The following ICMT variants were observed in gnomAD, a reference collection of about 807,000 sequenced individuals.
The protein encoded by ICMT is isoprenylcysteine carboxyl methyltransferase, also known as protein-S-isoprenylcysteine O-methyltransferase.
In ICMT, 10 loss-of-function variants were observed where a neutral mutation model predicts 32.2. The ratio of observed to expected loss-of-function variants is 0.31; its 90% CI spans 0.19 to 0.53. The LOEUF is 0.53. ICMT is among the 20% of genes least tolerant of loss of function. The pLI is 0.96. For missense variants in ICMT, 265 were observed against 356.9 expected, an observed-to-expected ratio of 0.74 and a Z score of 2.07; for synonymous variants, 183 against 158.2, an observed-to-expected ratio of 1.16 and a Z score of -1.18.
In ICMT at chr1:6,235,951, T is replaced by TAGCCCGGAGAAATGCGCCGGCTGC; in HGVS notation, c.-41_-40insGCAGCCGGCGCATTTCTCCGGGCT. The TAGCCCGGAGAAATGCGCCGGCTGC allele has an allele frequency of 9.7e-7, 1 of 1,026,546 alleles. No homozygotes were observed. Among genetic ancestry groups the TAGCCCGGAGAAATGCGCCGGCTGC allele is most frequent in the Non-Finnish European group, 1.2e-6 (1 of 842,388 alleles). The allele number at this position is 1,026,546 out of a possible 1,614,324, so 63.6% of individuals were successfully genotyped here. ...GACTAGCGGGCGGCGGCGCCGGCTGTAGCCCGGAGAAACGCGCCGGCTGCG... is the reference window on the plus strand; with the variant it reads ...GACTAGCGGGCGGCGGCGCCGGCTGTAGCCCGGAGAAATGCGCCGGCTGCAGCCCGGAGAAACGCGCCGGCTGCG... On this transcript the variant is annotated 5_prime_UTR_variant, in exon 1 of 5. Coordinates refer to ENST00000343813, the MANE Select transcript of ICMT (RefSeq NM_012405.4).
intron 4 of ICMT, among the ~76,000 whole-genome samples, chr1:6,229,211 G>C (rs1434799396): frequency 6.6e-6 from 1 of 152,100 alleles, no homozygotes; most frequent in Non-Finnish European, 1.5e-5. Flanking sequence ...GGGCATGGTG[G>C]CTCATGTCTG....
At chr1:6,234,387 G>A in intron 2 of ICMT, 1 of 432,228 alleles carries the variant, frequency 2.3e-6, no homozygotes, top group South Asian at 1.7e-5. Context: ...ATTGATAAGA[G>A]GAGATAAAAC....
intron 3 of ICMT, among the ~76,000 whole-genome samples, chr1:6,232,729 G>T (rs896020079): frequency 6.6e-6 from 1 of 151,740 alleles, no homozygotes; most frequent in Admixed American, 6.6e-5. Flanking sequence ...TGTATTTTTC[G>T]TAGAGACGGG....
At chr1:6,228,607 G>A (rs951557889) in intron 4 of ICMT, among the ~76,000 whole-genome samples, 2 of 151,876 alleles carry the variant, frequency 1.3e-5, no homozygotes, top group Admixed American at 1.3e-4. Context: ...CTCCCAAAGT[G>A]CTGGGATTAC....
In ICMT at chr1:6,221,853, T is replaced by G. The variant is rs1194021542; in HGVS notation, c.*3227A>C. ...TGCAAGCCCTCACGAAAGGCTTCAC[T>G]CTATGCTGTTTCCAGGTAGCTTTGT... On this transcript the variant is annotated 3_prime_UTR_variant, in exon 5 of 5. Transcript: ENST00000343813. 1.3e-5 allele frequency: 2 copies of G among 152,242 alleles called. No individual in the cohort carries two copies. Among genetic ancestry groups the G allele is most frequent in the Non-Finnish European group, 2.9e-5 (2 of 68,050 alleles). 9.4% of individuals were successfully genotyped at this position (152,242 alleles called of 1,614,324 possible).
intron 3 of ICMT, 113 bp downstream of exon 3, chr1:6,233,361 G>T: frequency 2.1e-6 from 2 of 937,260 alleles, no homozygotes; most frequent in African/African-American, 3.3e-5. Context: ...ATAGAGGTCT[G>T]CGGAAAATCG....
At chr1:6,225,365 C>G (rs1206646959) in intron 4 of ICMT, 103 bp from the exon 5 acceptor site, 16 of 1,135,848 alleles carry the variant, frequency 1.4e-5, no homozygotes, top group Admixed American at 4.3e-5. Flanking sequence ...TGTGCCCATG[C>G]CCTGCTGAGA....
Position 6,231,929 on chromosome 1 carries a change from C to G in ICMT, c.645G>C (p.Gly215=). Residue 215 remains glycine, a synonymous_variant, in exon 4 of 5, where the codon GGG becomes GGC. Coordinates refer to ENST00000343813, the MANE Select transcript of ICMT (RefSeq NM_012405.4). Reference sequence around the variant, plus strand: ...GAGTTCCAATACTCCAGTAAAACCACCCGACGTAAGAAGGATGCCGAAACC... The same window carrying G: ...GAGTTCCAATACTCCAGTAAAACCAGCCGACGTAAGAAGGATGCCGAAACC... ...YAWFRHPSYV[G]WFYWSIGTQV... 2 of 1,589,722 alleles carry G rather than the reference C, an allele frequency of 1.3e-6. No individual in the cohort carries two copies. Among genetic ancestry groups the G allele is most frequent in the Non-Finnish European group, 1.7e-6 (2 of 1,161,994 alleles).
chr1:6,234,946 A>C lies in ICMT; in HGVS notation c.224T>G (p.Phe75Cys), dbSNP rs1668797075. The change falls in exon 2 of 5, where the codon TTT (phenylalanine) becomes TGT (cysteine). Residue 75 changes from phenylalanine (F) to cysteine (C), a missense_variant. Coordinates refer to ENST00000343813, the MANE Select transcript of ICMT (RefSeq NM_012405.4). The part of the protein sequence containing the change: ...QIAIRACFLG[F>C]VFGCGTLLSF... The stretch of plus-strand genomic sequence containing the variant: ...TAGCAGCGTGCCGCAGCCGAACACA[A>C]ACCCCAGGAAACAAGCTCGGATGGC... 6.2e-7 allele frequency: 1 copy of C among 1,613,852 alleles called. No individual in the cohort carries two copies. Among genetic ancestry groups the C allele is most frequent in the Non-Finnish European group, 8.5e-7 (1 of 1,179,970 alleles).
intron 4 of ICMT, 77 bp downstream of exon 4, chr1:6,231,825 A>G: frequency 1.1e-6 from 1 of 915,214 alleles, no homozygotes; most frequent in African/African-American, 1.7e-5. Flanking sequence ...GGTGACTTTT[A>G]TGCTACGTGA....
At chr1:6,230,132 TGA>T (rs1297723454) in intron 4 of ICMT, among the ~76,000 whole-genome samples, 2 of 150,426 alleles carry the variant, frequency 1.3e-5, no homozygotes, top group Non-Finnish European at 3.0e-5. Flanking sequence ...CTTTTTTTTT[TGA>T]GACAGAGTCT....
At chr1:6,227,654 G>A (rs960784681) in intron 4 of ICMT, among the ~76,000 whole-genome samples, 8 of 152,148 alleles carry the variant, frequency 5.3e-5, no homozygotes, top group Non-Finnish European at 1.0e-4. Context: ...AGGAGATTGA[G>A]ATCATCCTGG....
chr1:6,234,420 T>C (rs1478700051), intron 2 of ICMT: 1 of 475,356 alleles, frequency 2.1e-6, no homozygotes, highest in Non-Finnish European at 4.2e-6. Context: ...AGCCACTGGT[T>C]CATATCCAGG....
Position 6,235,940 on chromosome 1 carries a change from GGCGCCGGCTGTAGCCCGGAGAAAC to G in ICMT, c.-53_-30del, listed in dbSNP as rs1244770144. 5.8e-6 allele frequency: 6 copies of G among 1,025,704 alleles called. No individual in the cohort carries two copies. The highest frequency in any genetic ancestry group is 7.0e-6 in the Non-Finnish European group (6 of 853,240). 63.5% of individuals were successfully genotyped at this position (1,025,704 alleles called of 1,614,324 possible). A position where few individuals can be genotyped will look rare whatever the true frequency, so the allele number is the denominator to read the frequency against. ...GCCGGGCGGCGGACTAGCGGGCGGC[GGCGCCGGCTGTAGCCCGGAGAAAC>G]GCGCCGGCTGCGCCTGCGCACTGTG... On this transcript the variant is annotated 5_prime_UTR_variant, in exon 1 of 5. Transcript: ENST00000343813.
intron 1 of ICMT, among the ~76,000 whole-genome samples, 173 bp downstream of exon 1, chr1:6,235,544 T>C (rs889807383): frequency 6.6e-6 from 1 of 152,012 alleles, no homozygotes; most frequent in African/African-American, 2.4e-5. Context: ...ACTCCTCGGG[T>C]GCAGGGCGCC....
chr1:6,233,828 G>T (rs1224876239), intron 2 of ICMT, among the ~76,000 whole-genome samples, 185 bp from the exon 3 acceptor site: 1 of 152,046 alleles, frequency 6.6e-6, no homozygotes, highest in Non-Finnish European at 1.5e-5. Context: ...AGTTTTTAAG[G>T]GGCTGTTTTT....
Position 6,231,858 on chromosome 1 carries a change from T to TAA in ICMT, c.672+42_672+43dup, listed in dbSNP as rs59840043. 0.013 allele frequency: 13,900 copies of TAA among 1,030,782 alleles called. 454 individuals are homozygous for TAA. The African/African-American group carries it at 0.14, about 11-fold the overall frequency. The allele number at this position is 1,030,782 out of a possible 1,614,324, so 63.9% of individuals were successfully genotyped here. On this transcript the variant is annotated intron_variant, in intron 4 of 4. Transcript: ENST00000343813. The stretch of plus-strand genomic sequence containing the variant: ...TGAATATCACGTTTAAAATGTTACT[T>TAA]AAAAAAAAAAAAAAGAAAAGCAGTG...
intron 4 of ICMT, 119 bp downstream of exon 4, chr1:6,231,783 C>T: frequency 3.1e-6 from 2 of 647,366 alleles, no homozygotes; most frequent in Non-Finnish European, 5.2e-6. Flanking sequence ...CTCATGAATA[C>T]ACTGAAAACC....
At position 6,225,026 on chromosome 1, in the gene ICMT, T is replaced by G. The variant is rs1668622782; in HGVS notation, c.*54A>C. ...TGGCAGCGGCCAACCGGAAACAGTT[T>G]TGTCCCAGGCTGCACAGGGTCGGAG... On this transcript the variant is annotated 3_prime_UTR_variant, in exon 5 of 5. Coordinates refer to ENST00000343813, the MANE Select transcript of ICMT (RefSeq NM_012405.4). The G allele has an allele frequency of 2.7e-6, 4 of 1,473,876 alleles. No homozygotes were observed. The highest frequency in any genetic ancestry group is 3.7e-6 in the Non-Finnish European group (4 of 1,083,116). 91.3% of individuals were successfully genotyped at this position (1,473,876 alleles called of 1,614,324 possible).
Sources: allele counts gnomAD v4.1 joint callset (sites outside exome capture counted in the v4.1 genomes callset), GRCh38; gene constraint gnomAD v4.1.1; transcripts MANE v1.5; gene names NCBI Gene and HGNC (gene_info 2026-07-23, HGNC 2026-07-21).